Variants in ECHDC2 observed in about 807,000 individuals in gnomAD.
ECHDC2 encodes enoyl-CoA hydratase domain-containing protein 2, mitochondrial.
ECHDC2 carries 34 observed loss-of-function variants against 40.6 expected under a neutral mutation model. That is an observed-to-expected ratio of 0.84 (90% CI 0.64 to 1.11). The LOEUF (loss-of-function observed/expected upper bound fraction) is 1.11, where lower values mean the gene tolerates loss of function less well. Among genes scored for constraint, ECHDC2 ranks in the 50% most tolerant of loss-of-function variants. The probability of loss-of-function intolerance (pLI) is 0.00; values close to 1 mark genes in which losing one functional copy is unlikely to be tolerated. For missense variants in ECHDC2, 392 were observed against 400.7 expected, an observed-to-expected ratio of 0.98 and a Z score of 0.19; for synonymous variants, 162 against 166.6, an observed-to-expected ratio of 0.97 and a Z score of 0.21.
At chr1:52,906,796 G>C (rs1387639920) in intron 4 of ECHDC2, among the ~76,000 whole-genome samples, 185 bp from the exon 5 acceptor site, 1 of 132,000 alleles carries the variant, frequency 7.6e-6, no homozygotes, top group Non-Finnish European at 1.6e-5. Context: ...ACGGAGTCTT[G>C]TTCTGTCACC....
At chr1:52,905,478 G>A (rs1647543971) in intron 5 of ECHDC2, 2 of 212,806 alleles carry the variant, frequency 9.4e-6, no homozygotes, top group Non-Finnish European at 1.9e-5. Flanking sequence ...ACTATTAATA[G>A]GTTCTCTGGC....
At chr1:52,900,733 CTG>C (rs1553128912) in intron 7 of ECHDC2, 1 of 152,182 alleles carries the variant, frequency 6.6e-6, no homozygotes. Context: ...ACTTTTAAAA[CTG>C]GGGTAGTCAC....
chr1:52,907,761 A>G, intron 4 of ECHDC2, 107 bp downstream of exon 4: 1 of 980,860 alleles, frequency 1.0e-6, no homozygotes, highest in East Asian at 2.6e-5. Context: ...CTTATCACAG[A>G]ACTCCAAACA....
chr1:52,899,251 G>A, intron 7 of ECHDC2, 27 bp from the exon 8 acceptor site: 1 of 1,612,962 alleles, frequency 6.2e-7, no homozygotes, highest in South Asian at 1.1e-5. Flanking sequence ...AGTCTTGGTT[G>A]AGGAGGGCAT....
chr1:52,916,950 G>A (rs978462032), intron 1 of ECHDC2, among the ~76,000 whole-genome samples: 35 of 152,316 alleles, frequency 2.3e-4, no homozygotes, highest in African/African-American at 5.3e-4. Flanking sequence ...AGGGCCAGGC[G>A]TGGTGGCTCA....
intron 6 of ECHDC2, 85 bp downstream of exon 6, chr1:52,904,949 A>G (rs1480048361): frequency 6.3e-7 from 1 of 1,596,592 alleles, no homozygotes; most frequent in Non-Finnish European, 8.6e-7. Context: ...GTGGGAGGGC[A>G]GAGCCCAGAA....
At chr1:52,917,613 C>T (rs1440740386) in intron 1 of ECHDC2, 2 of 456,024 alleles carry the variant, frequency 4.4e-6, no homozygotes, top group Non-Finnish European at 8.8e-6. Flanking sequence ...CCTTAGTGCC[C>T]AGCTAAGGAG....
chr1:52,916,442 T>C (rs912392540), intron 1 of ECHDC2, among the ~76,000 whole-genome samples: 2 of 152,178 alleles, frequency 1.3e-5, no homozygotes, highest in African/African-American at 4.8e-5. Context: ...ACCAGCCCCA[T>C]GGCCTTGGGC....
intron 1 of ECHDC2, chr1:52,913,807 G>T: frequency 1.9e-6 from 1 of 533,320 alleles, no homozygotes; most frequent in Non-Finnish European, 2.5e-6. Context: ...GTTCGCTCTT[G>T]GTGGTGTACA....
At chr1:52,905,774 T>C (rs1406931765) in intron 5 of ECHDC2, 1 of 163,548 alleles carries the variant, frequency 6.1e-6, no homozygotes, top group East Asian at 1.8e-4. Flanking sequence ...TGCGTGAACG[T>C]GGGCATGTGA....
intron 3 of ECHDC2, among the ~76,000 whole-genome samples, chr1:52,909,486 C>A (rs1648842760): frequency 7.0e-6 from 1 of 143,686 alleles, no homozygotes; most frequent in Non-Finnish European, 1.5e-5. Flanking sequence ...TTGGGCTACA[C>A]ATAAAATACA....
rs187433726 is a variant in ECHDC2, at chr1:52,920,339, G to A, written c.121+1214C>T. ...GAACTGGATTTTATGGCAAAGCCCCGCTTCAAACTTGTTGTCAAGCCGGTA... is the reference window on the plus strand; with the variant it reads ...GAACTGGATTTTATGGCAAAGCCCCACTTCAAACTTGTTGTCAAGCCGGTA... On this transcript the variant is annotated intron_variant, in intron 1 of 9. Coordinates refer to ENST00000371522, the MANE Select transcript of ECHDC2 (RefSeq NM_001198961.2). 47 of 653,630 alleles carry A rather than the reference G, an allele frequency of 7.2e-5. No homozygotes were observed. In the East Asian group the frequency reaches 1.1e-3, roughly 16 times the overall value. The allele number at this position is 653,630 out of a possible 1,614,324, so 40.5% of individuals were successfully genotyped here.
chr1:52,911,385 C>T (rs1464136554), intron 3 of ECHDC2, among the ~76,000 whole-genome samples, 181 bp downstream of exon 3: 1 of 152,158 alleles, frequency 6.6e-6, no homozygotes, highest in Non-Finnish European at 1.5e-5. Context: ...TAAAGTCTAT[C>T]CTACCCCTTA....
At chr1:52,909,870 G>A (rs1648967472) in intron 3 of ECHDC2, among the ~76,000 whole-genome samples, 1 of 152,182 alleles carries the variant, frequency 6.6e-6, no homozygotes, top group African/African-American at 2.4e-5. Flanking sequence ...CAATGTATTT[G>A]GGGACATTCT....
intron 3 of ECHDC2, among the ~76,000 whole-genome samples, chr1:52,910,570 T>C (rs1257224447): frequency 6.6e-6 from 1 of 152,000 alleles, no homozygotes; most frequent in Non-Finnish European, 1.5e-5. Flanking sequence ...GGTTTCACCA[T>C]ATTGGTCAGG....
At chr1:52,920,544 AC>A in intron 1 of ECHDC2, 1 of 1,479,294 alleles carries the variant, frequency 6.8e-7, no homozygotes, top group African/African-American at 1.4e-5. Context: ...ATGGAAGGCC[AC>A]GGGGAAGGGG....
chr1:52,915,000 A>G lies in ECHDC2; in HGVS notation c.122-3210T>C, dbSNP rs1374265637. 1 of 290,018 alleles carries G rather than the reference A, an allele frequency of 3.4e-6. No homozygotes were observed. The highest frequency in any genetic ancestry group is 7.7e-5 in the East Asian group (1 of 13,046). The allele number at this position is 290,018 out of a possible 1,614,324, so 18.0% of individuals were successfully genotyped here. ...CTTCCCCCTTCTTTTCCTCAAAATA[A>G]AGTTCAACTCCTTAATACCGACCAT... On this transcript the variant is annotated intron_variant, in intron 1 of 9. Transcript: ENST00000371522. The surrounding 1 kb of genome is among the most constrained non-coding windows in gnomAD (Gnocchi z 4.0).
chr1:52,921,668 C>A lies in ECHDC2; in HGVS notation c.6G>T (p.Leu2=). The A allele has an allele frequency of 6.4e-7, 1 of 1,568,904 alleles. No homozygotes were observed. Among genetic ancestry groups the A allele is most frequent in the East Asian group, 2.3e-5 (1 of 42,814 alleles). The change falls in exon 1 of 10, where the codon CTG becomes CTT. Residue 2 remains leucine, a synonymous_variant. Coordinates refer to ENST00000371522, the MANE Select transcript of ECHDC2 (RefSeq NM_001198961.2). Reference sequence around the variant, plus strand: ...AGGGGCGCAGGAGGCACAGAACGCGCAGCATCGGGGCGCAGGCTGGGAGTG... The same window carrying A: ...AGGGGCGCAGGAGGCACAGAACGCGAAGCATCGGGGCGCAGGCTGGGAGTG... The part of the protein sequence containing the change: M[L]RVLCLLRPWR...
At chr1:52,904,972 AAG>A in intron 6 of ECHDC2, 60 bp downstream of exon 6, 2 of 1,611,246 alleles carry the variant, frequency 1.2e-6, no homozygotes, top group Non-Finnish European at 1.7e-6. Flanking sequence ...GAGGGCAAAA[AAG>A]GAAAGCAGCG....
Sources: allele counts gnomAD v4.1 joint callset (sites outside exome capture counted in the v4.1 genomes callset), GRCh38; gene constraint gnomAD v4.1.1; non-coding constraint Gnocchi (gnomAD v3.1); transcripts MANE v1.5; gene names NCBI Gene and HGNC (gene_info 2026-07-23, HGNC 2026-07-21).